SMARCA2: variants seen among roughly 807,000 people sequenced by gnomAD.
SMARCA2 encodes SWI/SNF related BAF chromatin remodeling complex subunit ATPase 2.
SMARCA2 carries 61 observed loss-of-function variants against 199.8 expected under a neutral mutation model. That is an observed-to-expected ratio of 0.31 (90% CI 0.25 to 0.38). The LOEUF (loss-of-function observed/expected upper bound fraction) is 0.38, where lower values mean the gene tolerates loss of function less well. Ranked by LOEUF, SMARCA2 falls within the 10% of genes least tolerant of loss-of-function variation. The pLI is 1.00. For missense variants in SMARCA2, 1,344 were observed against 2,012.2 expected (o/e 0.67, Z 6.35); for synonymous variants, 935 against 732.0 (o/e 1.28, Z -4.48).
intron 24 of SMARCA2, among the ~76,000 whole-genome samples, chr9:2,113,236 A>G (rs1169435229): frequency 6.6e-6 from 1 of 151,956 alleles, no homozygotes; most frequent in Non-Finnish European, 1.5e-5. Flanking sequence ...AGAAGCAAAG[A>G]TAGAACTCGT....
chr9:2,135,383 A>G (rs956001352), intron 27 of SMARCA2, among the ~76,000 whole-genome samples: 1 of 152,210 alleles, frequency 6.6e-6, no homozygotes, highest in African/African-American at 2.4e-5. Flanking sequence ...GACACATCAC[A>G]AAATAATATT....
At chr9:2,053,345 C>G (rs1156344872) in intron 5 of SMARCA2, among the ~76,000 whole-genome samples, 1 of 152,112 alleles carries the variant, frequency 6.6e-6, no homozygotes, top group Non-Finnish European at 1.5e-5. Flanking sequence ...TAACAGAATT[C>G]TTAATTTTCA....
At chr9:2,093,918 T>C (rs1248720502) in intron 19 of SMARCA2, among the ~76,000 whole-genome samples, 5 of 152,212 alleles carry the variant, frequency 3.3e-5, no homozygotes, top group Non-Finnish European at 7.3e-5. Context: ...TAAATAAATA[T>C]GTAGATATAT....
chr9:2,164,294 C>T (rs997070349), intron 28 of SMARCA2, among the ~76,000 whole-genome samples: 1 of 152,124 alleles, frequency 6.6e-6, no homozygotes, highest in Admixed American at 6.6e-5. Flanking sequence ...GATTATATGC[C>T]TTAAACCTCA....
Position 2,170,317 on chromosome 9 carries a change from G to T in SMARCA2, c.4200-102G>T. ...CTTCCTAACAAGGCAGGTTGGTGAG[G>T]AGACTGAGGCTTGGCCAGGTCACCC... On this transcript the variant is annotated intron_variant, in intron 28 of 33. Coordinates refer to ENST00000349721, the MANE Select transcript of SMARCA2 (RefSeq NM_003070.5). This position sits in a 1 kb window ranked among gnomAD's most constrained non-coding sequence, Gnocchi z 4.7. 6.8e-7 allele frequency: 1 copy of T among 1,463,508 alleles called. No individual in the cohort carries two copies. The highest frequency in any genetic ancestry group is 2.4e-5 in the East Asian group (1 of 41,708). 90.7% of individuals were successfully genotyped at this position (1,463,508 alleles called of 1,614,324 possible). A position where few individuals can be genotyped will look rare whatever the true frequency, so the allele number is the denominator to read the frequency against.
In SMARCA2 at chr9:2,169,307, T is replaced by G. The variant is rs1305515652; in HGVS notation, c.4200-1112T>G. ...AGGCACCTAACTTGTCATTTCATAT[T>G]GTAACTTTAGAACTCTTCACAGCGG... On this transcript the variant is annotated intron_variant, in intron 28 of 33. Coordinates refer to ENST00000349721, the MANE Select transcript of SMARCA2 (RefSeq NM_003070.5). The surrounding 1 kb of genome is among the most constrained non-coding windows in gnomAD (Gnocchi z 6.5). Among the ~76,000 whole-genome samples, 3 of 152,202 alleles carry G rather than the reference T, an allele frequency of 2.0e-5. No homozygotes were observed. Among genetic ancestry groups the G allele is most frequent in the Non-Finnish European group, 4.4e-5 (3 of 68,040 alleles).
chr9:2,177,804 T>G (rs1031585569), intron 29 of SMARCA2, among the ~76,000 whole-genome samples: 1 of 152,108 alleles, frequency 6.6e-6, no homozygotes, highest in African/African-American at 2.4e-5. Context: ...GGCCCGCCTC[T>G]GCCTCCCAAA....
chr9:2,127,454 G>A (rs1374135280), intron 27 of SMARCA2, among the ~76,000 whole-genome samples: 1 of 152,164 alleles, frequency 6.6e-6, no homozygotes, highest in Non-Finnish European at 1.5e-5. Flanking sequence ...TTCCCTGAAA[G>A]TCCATGGTAG....
chr9:2,161,071 G>GT lies in SMARCA2; in HGVS notation c.3982-614dup, dbSNP rs1337757264. 6.3e-6 allele frequency: 1 copy of GT among 158,150 alleles called. No individual in the cohort carries two copies. The highest frequency in any genetic ancestry group is 1.8e-4 in the East Asian group (1 of 5,444). The allele number at this position is 158,150 out of a possible 1,614,324, so 9.8% of individuals were successfully genotyped here. A position where few individuals can be genotyped will look rare whatever the true frequency, so the allele number is the denominator to read the frequency against. On this transcript the variant is annotated intron_variant, in intron 27 of 33. Transcript: ENST00000349721. This position sits in a 1 kb window ranked among gnomAD's most constrained non-coding sequence, Gnocchi z 4.7. Reference sequence around the variant, plus strand: ...AAAAGTGTTTATTGTTTGTGAGTGTGTGTGTTCTTTATCGAATGATTTAAG... The same window carrying GT: ...AAAAGTGTTTATTGTTTGTGAGTGTGTTGTGTTCTTTATCGAATGATTTAAG...
chr9:2,188,317 T>C (rs908294916), intron 32 of SMARCA2, among the ~76,000 whole-genome samples: 2 of 152,204 alleles, frequency 1.3e-5, no homozygotes, highest in Non-Finnish European at 2.9e-5. Flanking sequence ...ATTGAAAAGA[T>C]GTAAAATGTA....
intron 31 of SMARCA2, among the ~76,000 whole-genome samples, chr9:2,183,569 T>A (rs990668685): frequency 1.3e-5 from 2 of 152,202 alleles, no homozygotes; most frequent in African/African-American, 4.8e-5. Flanking sequence ...CAAGCCACCT[T>A]TAAATTCCTT....
intron 27 of SMARCA2, among the ~76,000 whole-genome samples, chr9:2,133,781 A>T (rs1824069596): frequency 6.6e-6 from 1 of 152,194 alleles, no homozygotes; most frequent in Non-Finnish European, 1.5e-5. Flanking sequence ...TGGCCTCATC[A>T]TCATTATGCC....
At chr9:2,021,852 T>C (rs1205446318) in intron 1 of SMARCA2, 1 of 151,536 alleles carries the variant, frequency 6.6e-6, no homozygotes, top group East Asian at 1.9e-4. Context: ...TGAGCTTTCT[T>C]GAGCTGATGG....
rs945711428 is a variant in SMARCA2, at chr9:2,193,582, G to C, written c.*843G>C. The C allele has an allele frequency of 6.6e-6, 1 of 152,650 alleles. No homozygotes were observed. Among genetic ancestry groups the C allele is most frequent in the Non-Finnish European group, 1.5e-5 (1 of 68,038 alleles). The allele number at this position is 152,650 out of a possible 1,614,324, so 9.5% of individuals were successfully genotyped here. ...AATTCCAGTAATTTCGAAGAATGTGGTGTTGGTGCTTTCCTAATAAAGAAA... is the reference window on the plus strand; with the variant it reads ...AATTCCAGTAATTTCGAAGAATGTGCTGTTGGTGCTTTCCTAATAAAGAAA... On this transcript the variant is annotated 3_prime_UTR_variant, in exon 34 of 34. Transcript: ENST00000349721.
chr9:2,032,972 C>G lies in SMARCA2; in HGVS notation c.246C>G (p.Asp82Glu). The G allele has an allele frequency of 6.2e-7, 1 of 1,613,830 alleles. No individual in the cohort carries two copies. Residue 82 changes from aspartate (D) to glutamate (E), a missense_variant, in exon 3 of 34, where the codon GAC becomes GAG. Asp to Glu is a conservative substitution (Grantham distance 45). This residue lies in a region of SMARCA2 where 275 missense variants were observed against 247.5 expected (regional missense o/e 1.11). Transcript: ENST00000349721. ...QMHKPIDGIH[D>E]KGIVEDIHCG... ...TTCAGCCCATCGATGGTATACATGA[C>G]AAGGGGATTGTAGAAGACATCCATT...
chr9:2,164,606 G>T (rs991753518), intron 28 of SMARCA2, among the ~76,000 whole-genome samples: 3 of 152,182 alleles, frequency 2.0e-5, no homozygotes, highest in African/African-American at 7.2e-5. Flanking sequence ...GGACCTCTGA[G>T]CACCAGAAAG....
intron 23 of SMARCA2, among the ~76,000 whole-genome samples, chr9:2,108,164 C>A (rs1241504644): frequency 6.6e-6 from 1 of 152,194 alleles, no homozygotes; most frequent in Admixed American, 6.5e-5. Context: ...CTCTTGGGCA[C>A]TTGCGCTCAG....
chr9:2,054,793 G>A, intron 6 of SMARCA2, 70 bp downstream of exon 6: 1 of 1,499,764 alleles, frequency 6.7e-7, no homozygotes, highest in East Asian at 2.3e-5. Context: ...TGTTATCTGT[G>A]TTGCCTTTAG....
Position 2,074,836 on chromosome 9 carries a change from G to T in SMARCA2, c.1935+1213G>T, listed in dbSNP as rs936653842. Among the ~76,000 whole-genome samples, 3 of 152,234 alleles carry T rather than the reference G, an allele frequency of 2.0e-5. No individual in the cohort carries two copies. The East Asian group carries it at 5.8e-4, about 29-fold the overall frequency. On this transcript the variant is annotated intron_variant, in intron 12 of 33. Coordinates refer to ENST00000349721, the MANE Select transcript of SMARCA2 (RefSeq NM_003070.5). ...GCTGAGGTCGTGCCACTGCACTCCA[G>T]CCTGGGTGACAGAGCAAGATCCTGT...
Sources: gnomAD v4.1 joint callset for allele counts (sites outside exome capture counted in the v4.1 genomes callset) on GRCh38, gnomAD v4.1.1 for gene constraint, gnomAD v4.1.1 regional missense constraint, Gnocchi (gnomAD v3.1) non-coding constraint, MANE v1.5 for transcripts, NCBI Gene and HGNC (gene_info 2026-07-23, HGNC 2026-07-21) for gene names.